Variants in TSNARE1 observed in about 807,000 individuals in gnomAD.
TSNARE1 encodes t-SNARE domain-containing protein 1.
Under a neutral mutation model 62.0 loss-of-function variants are expected in TSNARE1, and 49 were observed. The observed-to-expected ratio is 0.79, with a 90% confidence interval of 0.63 to 1.00. TSNARE1 has a LOEUF of 1.00. TSNARE1 is among the 50% of genes least tolerant of loss of function. The probability of loss-of-function intolerance (pLI) is 0.00; values close to 1 mark genes in which losing one functional copy is unlikely to be tolerated. For missense variants in TSNARE1, 755 were observed against 700.1 expected, an observed-to-expected ratio of 1.08 and a Z score of -0.88; for synonymous variants, 328 against 294.4, an observed-to-expected ratio of 1.11 and a Z score of -1.17.
intron 13 of TSNARE1, among the ~76,000 whole-genome samples, chr8:142,222,698 ATCC>A (rs1816423925): frequency 1.1e-5 from 1 of 94,204 alleles, no homozygotes; most frequent in Non-Finnish European, 2.2e-5. Flanking sequence ...TCACTCACTC[ATCC>A]ACTCACTCAC....
chr8:142,393,108 T>C (rs1412895380), intron 1 of TSNARE1, among the ~76,000 whole-genome samples: 1 of 152,074 alleles, frequency 6.6e-6, no homozygotes, highest in African/African-American at 2.4e-5. Context: ...AAAAGGTCAT[T>C]AGAATAACCT....
At chr8:142,342,052 A>C (rs1215990298) in intron 4 of TSNARE1, among the ~76,000 whole-genome samples, 1 of 152,156 alleles carries the variant, frequency 6.6e-6, no homozygotes, top group Admixed American at 6.5e-5. Context: ...GCTGCCAGAG[A>C]GCAGAGGCCC....
intron 6 of TSNARE1, among the ~76,000 whole-genome samples, chr8:142,329,702 C>T (rs866245742): frequency 6.6e-6 from 1 of 152,188 alleles, no homozygotes; most frequent in African/African-American, 2.4e-5. Context: ...TGCAAATACG[C>T]GTGGGTGTGA....
intron 3 of TSNARE1, among the ~76,000 whole-genome samples, 163 bp from the exon 4 acceptor site, chr8:142,344,635 C>T (rs1833107114): frequency 6.6e-6 from 1 of 152,246 alleles, no homozygotes; most frequent in Admixed American, 6.5e-5. Context: ...AGACCTGGGC[C>T]CACGATCCCC....
At chr8:142,237,908 G>C (rs1408578134) in intron 12 of TSNARE1, among the ~76,000 whole-genome samples, 1 of 152,126 alleles carries the variant, frequency 6.6e-6, no homozygotes, top group Non-Finnish European at 1.5e-5. Flanking sequence ...CGTCGGGTTG[G>C]GGGAAGGCAA....
intron 12 of TSNARE1, among the ~76,000 whole-genome samples, chr8:142,264,429 G>A (rs1819036804): frequency 6.6e-6 from 1 of 152,216 alleles, no homozygotes; most frequent in African/African-American, 2.4e-5. Context: ...AGAGGGTTCT[G>A]TAAGCATCCG....
intron 12 of TSNARE1, chr8:142,271,542 TG>T: frequency 7.3e-7 from 1 of 1,366,532 alleles, no homozygotes; most frequent in Non-Finnish European, 9.4e-7. Context: ...GCTGGTGGGG[TG>T]GAGGCTGGGG....
chr8:142,224,851 A>C (rs999126124), intron 13 of TSNARE1, among the ~76,000 whole-genome samples: 11 of 152,136 alleles, frequency 7.2e-5, no homozygotes, highest in Non-Finnish European at 1.3e-4. Flanking sequence ...TGGGCAGAGC[A>C]GTCAGGATGC....
At chr8:142,349,031 C>A (rs928359424) in intron 2 of TSNARE1, among the ~76,000 whole-genome samples, 1 of 152,188 alleles carries the variant, frequency 6.6e-6, no homozygotes, top group African/African-American at 2.4e-5. Flanking sequence ...TTGCCCAGCT[C>A]TGAGGGTCCT....
chr8:142,398,897 G>A (rs1000694593), intron 1 of TSNARE1, among the ~76,000 whole-genome samples: 8 of 152,274 alleles, frequency 5.3e-5, no homozygotes, highest in Non-Finnish European at 7.3e-5. Context: ...AGCACAGTCC[G>A]GATTTGAAGC....
intron 12 of TSNARE1, among the ~76,000 whole-genome samples, chr8:142,238,472 CAG>C (rs1364850133): frequency 6.6e-6 from 1 of 152,106 alleles, no homozygotes; most frequent in East Asian, 1.9e-4. Flanking sequence ...ATTCGACAGA[CAG>C]ATGCTGGTAG....
chr8:142,304,189 C>T (rs556283264), intron 9 of TSNARE1, among the ~76,000 whole-genome samples: 1 of 152,388 alleles, frequency 6.6e-6, no homozygotes, highest in Non-Finnish European at 1.5e-5. Context: ...TATCACCTCC[C>T]CTTCCTGGAG....
At chr8:142,212,642 C>G (rs563100207) in intron 13 of TSNARE1, among the ~76,000 whole-genome samples, 111 of 152,158 alleles carry the variant, frequency 7.3e-4, no homozygotes, top group African/African-American at 2.6e-3. Context: ...AGAGCCTTCC[C>G]GAGTCCACCG....
intron 13 of TSNARE1, among the ~76,000 whole-genome samples, chr8:142,223,108 AC>A (rs1816521916): frequency 8.2e-6 from 1 of 121,594 alleles, no homozygotes; most frequent in East Asian, 2.7e-4. Flanking sequence ...TCATTCACTC[AC>A]TCGTTCACTC....
intron 10 of TSNARE1, among the ~76,000 whole-genome samples, chr8:142,297,707 G>A (rs960508900): frequency 1.3e-5 from 2 of 152,248 alleles, no homozygotes; most frequent in African/African-American, 4.8e-5. Flanking sequence ...CCTGGCACGT[G>A]CGACCTCCGC....
intron 12 of TSNARE1, among the ~76,000 whole-genome samples, chr8:142,253,196 G>A (rs990033919): frequency 1.3e-5 from 2 of 152,244 alleles, no homozygotes; most frequent in Non-Finnish European, 2.9e-5. Context: ...GGCACTACGG[G>A]TACGGGAGGA....
chr8:142,276,354 A>G (rs1181648609), intron 11 of TSNARE1: 2 of 985,362 alleles, frequency 2.0e-6, no homozygotes, highest in East Asian at 1.1e-4. Flanking sequence ...AGATGGGGCC[A>G]GAGGTGTGAC....
intron 1 of TSNARE1, among the ~76,000 whole-genome samples, chr8:142,376,337 G>A (rs1175834066): frequency 2.0e-5 from 3 of 152,184 alleles, no homozygotes; most frequent in East Asian, 1.9e-4. Context: ...CTGAATGTTC[G>A]TGTCCTCTGC....
chr8:142,324,208 A>G (rs935008650), intron 6 of TSNARE1, among the ~76,000 whole-genome samples: 1 of 152,264 alleles, frequency 6.6e-6, no homozygotes, highest in African/African-American at 2.4e-5. Flanking sequence ...TGGAGCCTTC[A>G]TCAAACTGCA....
Sources: allele counts gnomAD v4.1 joint callset (sites outside exome capture counted in the v4.1 genomes callset), GRCh38; gene constraint gnomAD v4.1.1; transcripts MANE v1.5; gene names NCBI Gene and HGNC (gene_info 2026-07-23, HGNC 2026-07-21).